The following ARHGAP10 variants were observed in gnomAD, a reference collection of about 807,000 sequenced individuals.
ARHGAP10 encodes the protein Rho GTPase activating protein 10, also known as rho GTPase-activating protein 10.
In ARHGAP10, 87 loss-of-function variants were observed where a neutral mutation model predicts 108.6. The ratio of observed to expected loss-of-function variants is 0.80; its 90% CI spans 0.67 to 0.96. ARHGAP10 has a LOEUF of 0.96. ARHGAP10 is among the 40% of genes least tolerant of loss of function. ARHGAP10 has a pLI of 0.00. For missense variants in ARHGAP10, 939 were observed against 954.5 expected, an observed-to-expected ratio of 0.98 and a Z score of 0.21; for synonymous variants, 347 against 341.1, an observed-to-expected ratio of 1.02 and a Z score of -0.19.
At chr4:147,783,873 A>G (rs1183226676) in intron 1 of ARHGAP10, among the ~76,000 whole-genome samples, 1 of 107,528 alleles carries the variant, frequency 9.3e-6, no homozygotes, top group South Asian at 3.0e-4. Context: ...TTATATTTAT[A>G]TAACACACAT....
chr4:147,959,500 A>G (rs1203385480), intron 16 of ARHGAP10, among the ~76,000 whole-genome samples: 2 of 151,996 alleles, frequency 1.3e-5, no homozygotes, highest in African/African-American at 2.4e-5. Context: ...TATATCTCCT[A>G]ATGCTATCCC....
intron 20 of ARHGAP10, among the ~76,000 whole-genome samples, chr4:148,049,048 C>T (rs1220868341): frequency 6.7e-6 from 1 of 150,150 alleles, no homozygotes; most frequent in African/African-American, 2.5e-5. Flanking sequence ...ATCTATGTTT[C>T]TCTGAAGTAT....
chr4:147,866,811 C>T lies in ARHGAP10; in HGVS notation c.697C>T (p.Gln233Ter). Residue 233 changes from glutamine to a stop codon, truncating the protein, a stop_gained, in exon 7 of 23, where the codon CAG becomes TAG. Transcript: ENST00000336498. LOFTEE classifies it high-confidence loss of function. ...CAAAATGGAACTACAGATCAACATT[C>T]AGAATGTAAGGAAGTGAAAGCTTTC... Reference protein sequence around the residue: ...HYKMELQINIQNTRNRFEGTR... With the variant: ...HYKMELQINI The T allele has an allele frequency of 6.2e-7, 1 of 1,602,818 alleles. No individual in the cohort carries two copies. The highest frequency in any genetic ancestry group is 8.5e-7 in the Non-Finnish European group (1 of 1,170,296).
intron 1 of ARHGAP10, among the ~76,000 whole-genome samples, chr4:147,756,139 A>G (rs1161734037): frequency 6.6e-6 from 1 of 151,742 alleles, no homozygotes; most frequent in African/African-American, 2.4e-5. Flanking sequence ...GCAAAAAAAA[A>G]AAAAAAGAAA....
intron 3 of ARHGAP10, among the ~76,000 whole-genome samples, chr4:147,846,520 C>G (rs1414936049): frequency 6.6e-6 from 1 of 152,168 alleles, no homozygotes; most frequent in Non-Finnish European, 1.5e-5. Context: ...AATCCCCAAA[C>G]CAGCCAACAT....
intron 22 of ARHGAP10, among the ~76,000 whole-genome samples, chr4:148,069,895 G>C (rs758476270): frequency 1.3e-5 from 2 of 152,202 alleles, no homozygotes; most frequent in Non-Finnish European, 2.9e-5. Flanking sequence ...CTGCACACTA[G>C]TAGCACTGCC....
In ARHGAP10 at chr4:147,972,322, A is replaced by AT. The variant is rs142322537; in HGVS notation, c.1716+5483_1716+5484insT. Among the ~76,000 whole-genome samples the AT allele has an allele frequency of 3.9e-4, 59 of 152,244 alleles. 3 individuals are homozygous for AT. The East Asian group carries it at 0.011, about 28-fold the overall frequency. The stretch of plus-strand genomic sequence containing the variant: ...TTCTTTGTGTATCCATACACTTAAA[A>AT]ATATATATATAAAACATAAAATTCC... On this transcript the variant is annotated intron_variant, in intron 18 of 22. Transcript: ENST00000336498.
At chr4:147,896,603 T>C (rs965746992) in intron 10 of ARHGAP10, among the ~76,000 whole-genome samples, 3 of 152,138 alleles carry the variant, frequency 2.0e-5, no homozygotes, top group African/African-American at 7.2e-5. Flanking sequence ...TTTGTTAATA[T>C]TTTCAGAGAA....
In ARHGAP10 at chr4:148,064,544, C is replaced by A. The variant is rs760649925; in HGVS notation, c.2272+37C>A. The A allele has an allele frequency of 7.1e-6, 11 of 1,542,594 alleles. No individual in the cohort carries two copies. The Middle Eastern group carries it at 5.1e-4, about 71-fold the overall frequency. ...TGGGAGCTTCGTCTGTTAATCCTGTCCGCAGGATTAATAAGTCTGCAGCAT... is the reference window on the plus strand; with the variant it reads ...TGGGAGCTTCGTCTGTTAATCCTGTACGCAGGATTAATAAGTCTGCAGCAT... On this transcript the variant is annotated intron_variant, in intron 22 of 22. Transcript: ENST00000336498.
intron 18 of ARHGAP10, among the ~76,000 whole-genome samples, chr4:148,008,536 C>T (rs1323462125): frequency 6.6e-6 from 1 of 151,538 alleles, no homozygotes; most frequent in Non-Finnish European, 1.5e-5. Flanking sequence ...GAACATCTTA[C>T]AGTGCACAGG....
At chr4:147,816,630 G>A (rs533492753) in intron 1 of ARHGAP10, among the ~76,000 whole-genome samples, 2 of 152,214 alleles carry the variant, frequency 1.3e-5, no homozygotes, top group Admixed American at 6.5e-5. Flanking sequence ...ACCTAGCCCT[G>A]TGATGCATTC....
At chr4:147,971,869 T>G (rs992282603) in intron 18 of ARHGAP10, among the ~76,000 whole-genome samples, 2 of 152,128 alleles carry the variant, frequency 1.3e-5, no homozygotes, top group African/African-American at 2.4e-5. Flanking sequence ...GAGAGGTTAT[T>G]TGGCATAGTC....
intron 1 of ARHGAP10, among the ~76,000 whole-genome samples, chr4:147,738,401 A>G (rs1728506614): frequency 6.6e-6 from 1 of 152,046 alleles, no homozygotes. Context: ...AATAAAAAAT[A>G]AATTAGCCGG....
At chr4:148,007,421 A>T (rs1740992631) in intron 18 of ARHGAP10, among the ~76,000 whole-genome samples, 1 of 152,182 alleles carries the variant, frequency 6.6e-6, no homozygotes, top group African/African-American at 2.4e-5. Flanking sequence ...GAGGAAGAAG[A>T]GTGTGACAGG....
At chr4:147,948,140 C>A (rs187107201) in intron 15 of ARHGAP10, among the ~76,000 whole-genome samples, 1 of 151,948 alleles carries the variant, frequency 6.6e-6, no homozygotes, top group African/African-American at 2.4e-5. Flanking sequence ...GACAGGGTTT[C>A]GCTGTGTTGG....
intron 1 of ARHGAP10, among the ~76,000 whole-genome samples, chr4:147,813,742 T>TGCTCA (rs1197160974): frequency 6.6e-6 from 1 of 152,228 alleles, no homozygotes; most frequent in East Asian, 1.9e-4. Flanking sequence ...CAAAGCAAGT[T>TGCTCA]GCTCACATGT....
intron 1 of ARHGAP10, among the ~76,000 whole-genome samples, chr4:147,821,856 T>C (rs912887473): frequency 6.6e-6 from 1 of 152,364 alleles, no homozygotes; most frequent in East Asian, 1.9e-4. Flanking sequence ...TGTATACTGC[T>C]CAGGCCATGG....
chr4:147,777,433 G>C (rs1241087124), intron 1 of ARHGAP10, among the ~76,000 whole-genome samples: 1 of 151,812 alleles, frequency 6.6e-6, no homozygotes. Flanking sequence ...TAATTTTTTT[G>C]TATTTTTTGG....
chr4:147,732,566 G>C (rs964706499), intron 1 of ARHGAP10, 111 bp downstream of exon 1: 2 of 1,463,124 alleles, frequency 1.4e-6, no homozygotes, highest in Non-Finnish European at 1.9e-6. Flanking sequence ...CCAGAGGAAC[G>C]GGGAATTCAT....
Sources: gnomAD v4.1 joint callset for allele counts (sites outside exome capture counted in the v4.1 genomes callset) on GRCh38, gnomAD v4.1.1 for gene constraint, MANE v1.5 for transcripts, NCBI Gene and HGNC (gene_info 2026-07-23, HGNC 2026-07-21) for gene names.